Variants in TXNDC11 observed in about 807,000 individuals in gnomAD.
The protein encoded by TXNDC11 is thioredoxin domain containing 11.
In TXNDC11, 68 loss-of-function variants were observed where a neutral mutation model predicts 78.0. The observed-to-expected ratio is 0.87, with a 90% CI of 0.72 to 1.07. The LOEUF (loss-of-function observed/expected upper bound fraction) is 1.07. TXNDC11 is among the 50% of genes least tolerant of loss of function. The probability of loss-of-function intolerance (pLI) is 0.00; values close to 1 mark genes in which losing one functional copy is unlikely to be tolerated. For synonymous variants in TXNDC11, 571 were observed against 495.2 expected (o/e 1.15, Z -2.03); for missense variants, 1,389 against 1,221.8 (o/e 1.14, Z -2.04).
rs60926291 is a variant in TXNDC11, at chr16:11,709,259, C to CT, written c.794-8696dup. Among the ~76,000 whole-genome samples the CT allele has an allele frequency of 6.6e-4, 94 of 142,286 alleles. 1 individual carries two copies. The East Asian group carries it at 0.011, about 16-fold the overall frequency. The allele number at this position is 142,286 out of a possible 152,430, so 93.3% of individuals were successfully genotyped here. ...AACATGTAACTTATAAGCTGTGATTCTTTTTTTTTTGAGACAGAGTCTCGC... is the reference window on the plus strand; with the variant it reads ...AACATGTAACTTATAAGCTGTGATTCTTTTTTTTTTTGAGACAGAGTCTCGC... On this transcript the variant is annotated intron_variant, in intron 5 of 11. Transcript: ENST00000283033.
At chr16:11,692,635 T>C (rs1234670937) in intron 7 of TXNDC11, among the ~76,000 whole-genome samples, 1 of 152,212 alleles carries the variant, frequency 6.6e-6, no homozygotes, top group Non-Finnish European at 1.5e-5. Context: ...CAGGGTTCAG[T>C]ACCATCTGTG....
chr16:11,725,921 G>A (rs887973115), intron 4 of TXNDC11, among the ~76,000 whole-genome samples: 1 of 152,116 alleles, frequency 6.6e-6, no homozygotes, highest in East Asian at 1.9e-4. Context: ...TGTTGCCCAG[G>A]ATGGAGTGCA....
chr16:11,704,915 C>CT (rs60887025), intron 5 of TXNDC11, among the ~76,000 whole-genome samples: 65,864 of 147,024 alleles, frequency 0.45, 14,806 homozygotes, highest in Middle Eastern at 0.56. Context: ...CTTTTTCTTT[C>CT]TTTTTTTTTT....
intron 10 of TXNDC11, among the ~76,000 whole-genome samples, chr16:11,685,934 T>C (rs1194474640): frequency 6.6e-6 from 1 of 152,164 alleles, no homozygotes; most frequent in Non-Finnish European, 1.5e-5. Flanking sequence ...CCCTTTCTTA[T>C]GCAGGCTGCA....
At chr16:11,687,702 C>T (rs2050602127) in intron 10 of TXNDC11, among the ~76,000 whole-genome samples, 155 bp downstream of exon 10, 1 of 152,242 alleles carries the variant, frequency 6.6e-6, no homozygotes, top group East Asian at 1.9e-4. Flanking sequence ...TTCAAAGAGG[C>T]TTTGCTCATG....
At chr16:11,697,046 T>C (rs1260501159) in intron 7 of TXNDC11, among the ~76,000 whole-genome samples, 5 of 152,194 alleles carry the variant, frequency 3.3e-5, no homozygotes, top group African/African-American at 1.2e-4. Flanking sequence ...GTTCACAAAA[T>C]ATCCATGTAG....
intron 4 of TXNDC11, 76 bp from the exon 5 acceptor site, chr16:11,721,746 A>T: frequency 1.3e-6 from 1 of 765,346 alleles, no homozygotes; most frequent in Non-Finnish European, 2.2e-6. Flanking sequence ...TTAAAGCAAG[A>T]CATATTACAA....
chr16:11,684,125 G>C (rs773990186), intron 11 of TXNDC11, 40 bp downstream of exon 11: 8 of 1,391,548 alleles, frequency 5.7e-6, no homozygotes, highest in Non-Finnish European at 8.2e-6. Flanking sequence ...CTCCACAAAA[G>C]AATCCCAACT....
Position 11,691,902 on chromosome 16 carries a change from G to GC in TXNDC11, c.1287dup (p.Pro430AlafsTer14). ...GTCCTGGAGAAGGAGTGCCACTGGGGCAGCACCACAGTGTTGCAGCAGGGG... is the reference window on the plus strand; with the variant it reads ...GTCCTGGAGAAGGAGTGCCACTGGGGCCAGCACCACAGTGTTGCAGCAGGGG... On this transcript the variant is annotated frameshift_variant, in exon 8 of 12. Coordinates refer to ENST00000283033, the MANE Select transcript of TXNDC11 (RefSeq NM_015914.7). LOFTEE classifies it high-confidence loss of function. The GC allele has an allele frequency of 1.2e-6, 2 of 1,614,116 alleles. No homozygotes were observed. The highest frequency in any genetic ancestry group is 1.7e-6 in the Non-Finnish European group (2 of 1,179,936).
chr16:11,726,181 T>TA (rs1370993699), intron 4 of TXNDC11, among the ~76,000 whole-genome samples: 2 of 151,974 alleles, frequency 1.3e-5, no homozygotes, highest in Admixed American at 6.6e-5. Flanking sequence ...CCAGGCCTCT[T>TA]AGAGTCATAG....
At chr16:11,689,528 T>G (rs562565864) in intron 8 of TXNDC11, among the ~76,000 whole-genome samples, 6 of 152,310 alleles carry the variant, frequency 3.9e-5, no homozygotes, top group Non-Finnish European at 7.3e-5. Context: ...ACAGTAGGTG[T>G]TTTTTACAAG....
At position 11,700,432 on chromosome 16, in the gene TXNDC11, C is replaced by A. The variant is rs367712360; in HGVS notation, c.906+20G>T. 1.1e-4 allele frequency: 135 copies of A among 1,226,852 alleles called. 1 individual carries two copies. Among genetic ancestry groups the A allele is most frequent in the Non-Finnish European group, 1.5e-4 (129 of 839,006 alleles). 76.0% of individuals were successfully genotyped at this position (1,226,852 alleles called of 1,614,324 possible). A position where few individuals can be genotyped will look rare whatever the true frequency, so the allele number is the denominator to read the frequency against. ...TTAAGAACCACTGCGCTAACATAAA[C>A]GTGATTTCAAAATACTTACAAGTGA... On this transcript the variant is annotated intron_variant, in intron 6 of 11. Transcript: ENST00000283033.
At chr16:11,727,024 G>C (rs990736695) in intron 4 of TXNDC11, among the ~76,000 whole-genome samples, 2 of 152,142 alleles carry the variant, frequency 1.3e-5, no homozygotes, top group African/African-American at 4.8e-5. Context: ...CTGCACTCCA[G>C]CCTGGGAGAC....
At chr16:11,689,789 C>T (rs1183526337) in intron 8 of TXNDC11, among the ~76,000 whole-genome samples, 1 of 151,806 alleles carries the variant, frequency 6.6e-6, no homozygotes, top group African/African-American at 2.4e-5. Context: ...GTCTCTTTCC[C>T]ATTTAAAAAA....
At chr16:11,714,958 T>C (rs953143152) in intron 5 of TXNDC11, among the ~76,000 whole-genome samples, 1 of 152,144 alleles carries the variant, frequency 6.6e-6, no homozygotes. Flanking sequence ...TTTTGGTTAA[T>C]AGTTTAGTGT....
chr16:11,698,416 A>C (rs978794104), intron 6 of TXNDC11, 91 bp from the exon 7 acceptor site: 17 of 1,171,802 alleles, frequency 1.5e-5, no homozygotes, highest in Non-Finnish European at 2.1e-5. Context: ...CCCACCACTA[A>C]GGGTGAGAAA....
intron 6 of TXNDC11, among the ~76,000 whole-genome samples, chr16:11,698,740 T>C (rs1329500319): frequency 6.6e-6 from 1 of 152,174 alleles, no homozygotes; most frequent in Non-Finnish European, 1.5e-5. Context: ...GATTTTGACC[T>C]TGGTCCTTCA....
At chr16:11,717,789 C>G (rs948175094) in intron 5 of TXNDC11, among the ~76,000 whole-genome samples, 2 of 151,644 alleles carry the variant, frequency 1.3e-5, no homozygotes, top group African/African-American at 4.9e-5. Context: ...CCACTGCACT[C>G]CAGCCTGAAC....
intron 5 of TXNDC11, among the ~76,000 whole-genome samples, chr16:11,705,999 A>C (rs1177622017): frequency 1.3e-5 from 2 of 152,240 alleles, no homozygotes; most frequent in Admixed American, 6.5e-5. Flanking sequence ...ATGAATTTTC[A>C]ATATTTTAAT....
Sources: allele counts gnomAD v4.1 joint callset (sites outside exome capture counted in the v4.1 genomes callset), GRCh38; gene constraint gnomAD v4.1.1; transcripts MANE v1.5; gene names NCBI Gene and HGNC (gene_info 2026-07-23, HGNC 2026-07-21).